The following CFAP47 variants were observed in gnomAD, a reference collection of about 807,000 sequenced individuals.
CFAP47 encodes cilia- and flagella-associated protein 47.
CFAP47 carries 29 observed loss-of-function variants against 148.1 expected under a neutral mutation model. The ratio of observed to expected loss-of-function variants is 0.20; its 90% confidence interval spans 0.15 to 0.27. The LOEUF is 0.27. CFAP47 is among the 10% of genes least tolerant of loss of function. The pLI is 1.00. For missense variants in CFAP47, 1,872 were observed against 1,697.5 expected, an observed-to-expected ratio of 1.10 and a Z score of -1.81; for synonymous variants, 664 against 577.3, an observed-to-expected ratio of 1.15 and a Z score of -2.15.
intron 57 of CFAP47, among the ~76,000 whole-genome samples, chrX:36,322,832 T>A (rs1273591525): frequency 9.0e-6 from 1 of 111,103 alleles, no homozygotes. Context: ...TATAATAAGA[T>A]CTCCAAAGGG....
Position 36,191,472 on chromosome X carries a change from TTAAAA to T in CFAP47, c.6321+1282_6321+1286del, listed in dbSNP as rs782221949. Among the ~76,000 whole-genome samples, 94 of 111,842 alleles carry T rather than the reference TTAAAA, an allele frequency of 8.4e-4. No homozygotes were observed. In the South Asian group the frequency reaches 9.9e-3, roughly 12 times the overall value. ...TGTTTTGTCCTTGTCAGAGAAAACATTAAAATAAAACAACAATCTTGAAATTATAC... is the reference window on the plus strand; with the variant it reads ...TGTTTTGTCCTTGTCAGAGAAAACATTAAAACAACAATCTTGAAATTATAC... On this transcript the variant is annotated intron_variant, in intron 42 of 63. Transcript: ENST00000378653.
At position 36,348,156 on chromosome X, in the gene CFAP47, T is replaced by G. The variant is rs1477438009; in HGVS notation, c.8471T>G (p.Ile2824Arg). The G allele has an allele frequency of 3.9e-6, 4 of 1,037,697 alleles. No homozygotes were observed. The highest frequency in any genetic ancestry group is 7.9e-5 in the East Asian group (2 of 25,194). The allele number at this position is 1,037,697 out of a possible 1,213,427, so 85.5% of individuals were successfully genotyped here. ...ATTGCACTGCCTCCTAAAGGAAATA[T>G]AGATATCTCATTGTTATTTATACCT... ...QGIALPPKGN[I>R]DISLLFIPQI... Residue 2824 changes from isoleucine (I) to arginine (R), a missense_variant, in exon 58 of 64, where the codon ATA becomes AGA. Transcript: ENST00000378653.
At chrX:36,246,179 T>C (rs1329700233) in intron 48 of CFAP47, among the ~76,000 whole-genome samples, 1 of 111,788 alleles carries the variant, frequency 8.9e-6, no homozygotes, top group African/African-American at 3.2e-5. Context: ...AACAAAGGTC[T>C]AAAACCCAGA....
chrX:35,981,526 T>C (rs1240304995), intron 15 of CFAP47, among the ~76,000 whole-genome samples: 1 of 109,853 alleles, frequency 9.1e-6, no homozygotes, highest in African/African-American at 3.3e-5. Flanking sequence ...AAATATACAT[T>C]TTTAAAAACT....
rs782561926 is a variant in CFAP47, at chrX:36,366,905, A to G, written c.9024-61A>G. The G allele has an allele frequency of 1.6e-5, 12 of 768,542 alleles. No homozygotes were observed. The Admixed American group carries it at 2.7e-4, about 17-fold the overall frequency. The allele number at this position is 768,542 out of a possible 1,213,427, so 63.3% of individuals were successfully genotyped here. On this transcript the variant is annotated intron_variant, in intron 61 of 63. Coordinates refer to ENST00000378653, the MANE Select transcript of CFAP47 (RefSeq NM_001304548.2). ...CATTTTTACCTTAGTTTAGTTTGCT[A>G]TATTTATTCTCTTTACTTGTTTTCA...
chrX:36,337,584 G>A (rs79858446), intron 57 of CFAP47, among the ~76,000 whole-genome samples: 1 of 111,627 alleles, frequency 9.0e-6, no homozygotes, highest in African/African-American at 3.3e-5. Flanking sequence ...AAGACTACTA[G>A]TGACATGTAA....
chrX:36,249,552 G>C (rs1778084476), intron 48 of CFAP47, among the ~76,000 whole-genome samples: 2 of 111,146 alleles, frequency 1.8e-5, no homozygotes, highest in African/African-American at 6.5e-5. Context: ...CACAGTCTTA[G>C]ATGGCTTTAA....
At chrX:36,337,962 G>C (rs1263058015) in intron 57 of CFAP47, among the ~76,000 whole-genome samples, 12 of 99,998 alleles carry the variant, frequency 1.2e-4, no homozygotes, top group Admixed American at 3.3e-4. Context: ...TCCGCCTCCT[G>C]GGGTTCACGC....
At position 36,258,998 on chromosome X, in the gene CFAP47, C is replaced by T. The variant is rs1021809158; in HGVS notation, c.7444+7554C>T. ...TAATTTACTTAACCTCCCTGAATGT[C>T]GGGTTTTTTTGTTTGTGAAATATAG... is the stretch of plus-strand genomic sequence containing the variant. On this transcript the variant is annotated intron_variant, in intron 49 of 63. Coordinates refer to ENST00000378653, the MANE Select transcript of CFAP47 (RefSeq NM_001304548.2). 6.3e-5 allele frequency among the ~76,000 whole-genome samples: 7 copies of T among 110,684 alleles called. No individual in the cohort carries two copies. The East Asian group carries it at 1.1e-3, about 18-fold the overall frequency.
At chrX:36,312,474 A>T (rs1941401754) in intron 56 of CFAP47, among the ~76,000 whole-genome samples, 1 of 111,038 alleles carries the variant, frequency 9.0e-6, no homozygotes, top group South Asian at 3.8e-4. Flanking sequence ...CACCAAAAAA[A>T]ATATGTGTTT....
intron 42 of CFAP47, among the ~76,000 whole-genome samples, chrX:36,194,367 T>A (rs1016954439): frequency 2.7e-5 from 3 of 111,377 alleles, no homozygotes; most frequent in African/African-American, 9.8e-5. Flanking sequence ...CATCTTTCTA[T>A]CTCCTTCTGA....
At chrX:36,226,523 A>G in intron 45 of CFAP47, among the ~76,000 whole-genome samples, 1 of 111,691 alleles carries the variant, frequency 9.0e-6, no homozygotes, top group East Asian at 2.8e-4. Context: ...TAATAAAATT[A>G]TTTTGGATAT....
chrX:36,172,691 T>C (rs1348044754), intron 39 of CFAP47, among the ~76,000 whole-genome samples: 4 of 111,540 alleles, frequency 3.6e-5, no homozygotes, highest in Non-Finnish European at 7.5e-5. Flanking sequence ...TGCTGCTGGA[T>C]TCGGTTTGCC....
chrX:36,174,846 C>T (rs1173874078), intron 39 of CFAP47, among the ~76,000 whole-genome samples: 1 of 110,791 alleles, frequency 9.0e-6, no homozygotes, highest in African/African-American at 3.3e-5. Flanking sequence ...GAATGTTGGC[C>T]TGCCTTGCTA....
At chrX:36,111,488 GCTGA>G (rs1389933198) in intron 33 of CFAP47, among the ~76,000 whole-genome samples, 1 of 112,031 alleles carries the variant, frequency 8.9e-6, no homozygotes, top group African/African-American at 3.2e-5. Flanking sequence ...TTGACATGCT[GCTGA>G]ATTCAGTTTG....
chrX:35,935,394 C>T (rs1935895356), intron 2 of CFAP47, among the ~76,000 whole-genome samples: 1 of 111,211 alleles, frequency 9.0e-6, no homozygotes, highest in Non-Finnish European at 1.9e-5. Context: ...TGATCTTCCT[C>T]CCTCAAATGC....
intron 16 of CFAP47, chrX:35,990,166 G>C (rs1311345875): frequency 9.0e-6 from 1 of 111,376 alleles, no homozygotes; most frequent in Non-Finnish European, 1.9e-5. Context: ...AGGCCTGATT[G>C]GTCTGTTTAC....
intron 30 of CFAP47, among the ~76,000 whole-genome samples, chrX:36,094,865 T>C (rs762629492): frequency 7.5e-4 from 83 of 111,318 alleles, no homozygotes; most frequent in Non-Finnish European, 1.4e-3. Context: ...ATGCTCCTTA[T>C]TTTTTATCTT....
At chrX:36,297,308 G>A (rs1470675419) in intron 51 of CFAP47, among the ~76,000 whole-genome samples, 3 of 111,657 alleles carry the variant, frequency 2.7e-5, no homozygotes, top group African/African-American at 9.8e-5. Flanking sequence ...TGTAATATCT[G>A]CCTTGAAGAT....
Sources: allele counts gnomAD v4.1 joint callset (sites outside exome capture counted in the v4.1 genomes callset), GRCh38; gene constraint gnomAD v4.1.1; transcripts MANE v1.5; gene names NCBI Gene and HGNC (gene_info 2026-07-23, HGNC 2026-07-21).